NRG3: variants seen among roughly 807,000 people sequenced by gnomAD.
NRG3 encodes pro-neuregulin-3, membrane-bound isoform.
NRG3 carries 31 observed loss-of-function variants against 66.9 expected under a neutral mutation model. That is an observed-to-expected ratio of 0.46 (90% confidence interval 0.35 to 0.63). The LOEUF is 0.63. NRG3 is among the 20% of genes least tolerant of loss of function. The pLI is 0.00. For missense variants in NRG3, 910 were observed against 878.9 expected (o/e 1.04, Z -0.45); for synonymous variants, 393 against 359.4 (o/e 1.09, Z -1.06).
At chr10:82,494,415 C>T (rs17100118) in intron 2 of NRG3, among the ~76,000 whole-genome samples, 2,023 of 152,018 alleles carry the variant, frequency 0.013, 18 homozygotes, top group South Asian at 0.03. Context: ...AATAATAGGA[C>T]GTGTGATGAT....
chr10:82,772,457 T>C (rs2059748387), intron 3 of NRG3, among the ~76,000 whole-genome samples: 1 of 152,136 alleles, frequency 6.6e-6, no homozygotes, highest in Admixed American at 6.6e-5. Context: ...TTTGTGTCCT[T>C]TCCTGTATCT....
intron 1 of NRG3, among the ~76,000 whole-genome samples, chr10:82,158,556 AT>A (rs1417538768): frequency 6.6e-6 from 1 of 151,810 alleles, no homozygotes; most frequent in Non-Finnish European, 1.5e-5. Flanking sequence ...GCGCAGGTAA[AT>A]TGGATGTATA....
At chr10:82,474,863 C>A (rs1841619864) in intron 2 of NRG3, among the ~76,000 whole-genome samples, 1 of 151,882 alleles carries the variant, frequency 6.6e-6, no homozygotes. Context: ...AAGAAAGCAT[C>A]TTGAAAGCAG....
intron 3 of NRG3, among the ~76,000 whole-genome samples, chr10:82,803,005 A>G (rs934782850): frequency 1.3e-5 from 2 of 152,096 alleles, no homozygotes; most frequent in Non-Finnish European, 2.9e-5. Context: ...ATTGTGTTGA[A>G]TGTTTACTAC....
At chr10:82,163,283 G>T (rs2071750511) in intron 1 of NRG3, among the ~76,000 whole-genome samples, 1 of 152,040 alleles carries the variant, frequency 6.6e-6, no homozygotes, top group Non-Finnish European at 1.5e-5. Context: ...AGGTTCTCAA[G>T]GAAAATGCCT....
At chr10:82,622,428 T>TTTA (rs1218748221) in intron 2 of NRG3, among the ~76,000 whole-genome samples, 3 of 152,242 alleles carry the variant, frequency 2.0e-5, no homozygotes, top group African/African-American at 7.2e-5. Context: ...AGATATAGTG[T>TTTA]TTATTCATTA....
intron 2 of NRG3, among the ~76,000 whole-genome samples, chr10:82,536,783 A>G (rs772533229): frequency 9.9e-5 from 15 of 152,110 alleles, no homozygotes; most frequent in Non-Finnish European, 1.9e-4. Context: ...TCAGAGGATG[A>G]CATCAAGGTA....
At chr10:82,622,636 A>G (rs1434114153) in intron 2 of NRG3, among the ~76,000 whole-genome samples, 1 of 152,184 alleles carries the variant, frequency 6.6e-6, no homozygotes, top group Non-Finnish European at 1.5e-5. Flanking sequence ...AGTAAGCAGC[A>G]GGATACTCTC....
chr10:82,341,086 T>A (rs189662386), intron 1 of NRG3, among the ~76,000 whole-genome samples: 79 of 152,266 alleles, frequency 5.2e-4, no homozygotes, highest in African/African-American at 1.9e-3. Context: ...TATCAAAGCA[T>A]CTCATGTACC....
intron 1 of NRG3, among the ~76,000 whole-genome samples, chr10:81,887,145 G>T (rs1416345723): frequency 1.3e-5 from 2 of 152,078 alleles, no homozygotes; most frequent in Admixed American, 1.3e-4. Flanking sequence ...TTAATTGGTG[G>T]TGTCAGCATT....
At chr10:82,947,916 T>G (rs561319624) in intron 4 of NRG3, among the ~76,000 whole-genome samples, 28 of 152,104 alleles carry the variant, frequency 1.8e-4, no homozygotes, top group Non-Finnish European at 3.2e-4. Flanking sequence ...TTAATGTTGA[T>G]AGATAAAGTC....
At chr10:82,017,114 G>A (rs903339663) in intron 1 of NRG3, among the ~76,000 whole-genome samples, 3 of 152,146 alleles carry the variant, frequency 2.0e-5, no homozygotes, top group Admixed American at 2.0e-4. Context: ...GCCCCGGTGT[G>A]TGATGTTCCC....
At chr10:82,334,151 A>AAAT (rs200610217) in intron 1 of NRG3, among the ~76,000 whole-genome samples, 1 of 144,600 alleles carries the variant, frequency 6.9e-6, no homozygotes, top group Non-Finnish European at 1.5e-5. Flanking sequence ...AAAAAAAAAA[A>AAAT]AAAAGAAAAG....
At chr10:82,920,050 A>G (rs1846271793) in intron 4 of NRG3, among the ~76,000 whole-genome samples, 1 of 152,196 alleles carries the variant, frequency 6.6e-6, no homozygotes, top group Non-Finnish European at 1.5e-5. Flanking sequence ...AGAAGTTGTC[A>G]TTCCCATACT....
chr10:82,418,679 T>C (rs1436622410), intron 2 of NRG3, among the ~76,000 whole-genome samples: 1 of 152,116 alleles, frequency 6.6e-6, no homozygotes, highest in Non-Finnish European at 1.5e-5. Flanking sequence ...TAGCTTACTG[T>C]AGCCTCAAAT....
intron 1 of NRG3, among the ~76,000 whole-genome samples, chr10:82,302,885 CTT>C (rs1157227168): frequency 6.6e-6 from 1 of 152,108 alleles, no homozygotes; most frequent in Non-Finnish European, 1.5e-5. Context: ...TAGTGTCTAG[CTT>C]AAGGCAATGT....
At chr10:82,655,444 CT>C (rs35852727) in intron 2 of NRG3, among the ~76,000 whole-genome samples, 1 of 152,074 alleles carries the variant, frequency 6.6e-6, no homozygotes, top group Non-Finnish European at 1.5e-5. Context: ...ATGCACACTT[CT>C]TTTTTTCGGG....
chr10:82,877,799 G>A (rs1841972457), intron 4 of NRG3, among the ~76,000 whole-genome samples: 1 of 152,080 alleles, frequency 6.6e-6, no homozygotes, highest in East Asian at 1.9e-4. Context: ...AACATATACA[G>A]GATATTAATA....
rs144868215 is a variant in NRG3, at chr10:82,339,575, C to T, written c.824-19164C>T. Among the ~76,000 whole-genome samples, 454 of 152,206 alleles carry T rather than the reference C, an allele frequency of 3.0e-3. 2 individuals are homozygous for T. Among genetic ancestry groups the T allele is most frequent in the African/African-American group, 0.01 (420 of 41,528 alleles). ...CCACACACGGAGATTATGGGGATTA[C>T]GATTCAAGATGAGATTTGGGTGGGG... On this transcript the variant is annotated intron_variant, in intron 1 of 8. Transcript: ENST00000372141.
Sources: gnomAD v4.1 joint callset for allele counts (sites outside exome capture counted in the v4.1 genomes callset) on GRCh38, gnomAD v4.1.1 for gene constraint, MANE v1.5 for transcripts, NCBI Gene and HGNC (gene_info 2026-07-23, HGNC 2026-07-21) for gene names.